The following C2CD2 variants were observed in gnomAD, a reference collection of about 807,000 sequenced individuals.
C2CD2 encodes the protein C2 calcium dependent domain containing 2.
C2CD2 carries 43 observed loss-of-function variants against 74.3 expected under a neutral mutation model. That is an observed-to-expected ratio of 0.58 (90% CI 0.45 to 0.75). C2CD2 has a LOEUF of 0.75. Among genes scored for constraint, C2CD2 ranks in the 30% least tolerant of loss-of-function variants. C2CD2 has a pLI of 0.00. For missense variants in C2CD2, 801 were observed against 916.3 expected, an observed-to-expected ratio of 0.87 and a Z score of 1.63; for synonymous variants, 422 against 390.7, an observed-to-expected ratio of 1.08 and a Z score of -0.94.
At chr21:41,916,297 C>G (rs8132221) in intron 5 of C2CD2, among the ~76,000 whole-genome samples, 10,571 of 152,142 alleles carry the variant, frequency 0.069, 556 homozygotes, top group African/African-American at 0.15. Context: ...GTGTGACTGA[C>G]TGTGTTTCTG....
chr21:41,923,888 T>G lies in C2CD2; in HGVS notation c.379-1803A>C, dbSNP rs1191119271. ...TAATTACCAGGCCAGGTGCCAGGTG[T>G]GTACTGGCCAGGAGGAGGAGAGGGG... On this transcript the variant is annotated intron_variant, in intron 2 of 13. Coordinates refer to ENST00000380486, the MANE Select transcript of C2CD2 (RefSeq NM_015500.2). This position sits in a 1 kb window ranked among gnomAD's most constrained non-coding sequence, Gnocchi z 5.8. Among the ~76,000 whole-genome samples the G allele has an allele frequency of 6.6e-6, 1 of 151,952 alleles. No homozygotes were observed. The highest frequency in any genetic ancestry group is 2.4e-5 in the African/African-American group (1 of 41,358).
rs1266117420 is a variant in C2CD2 at position 41,926,642 on chromosome 21, T to C, written c.379-4557A>G. 1.0e-6 allele frequency: 1 copy of C among 984,712 alleles called. No homozygotes were observed. The highest frequency in any genetic ancestry group is 1.1e-4 in the East Asian group (1 of 8,804). The allele number at this position is 984,712 out of a possible 1,614,324, so 61.0% of individuals were successfully genotyped here. A position where few individuals can be genotyped will look rare whatever the true frequency, so the allele number is the denominator to read the frequency against. On this transcript the variant is annotated intron_variant, in intron 2 of 13. Transcript: ENST00000380486. The surrounding 1 kb of genome is among the most constrained non-coding windows in gnomAD (Gnocchi z 8.0). The stretch of plus-strand genomic sequence containing the variant: ...TGGGGCCAAAAAATTCCAGGCACAG[T>C]TACTCCAGATTTTGCTACTGTTCAC...
intron 1 of C2CD2, among the ~76,000 whole-genome samples, chr21:41,943,648 G>A (rs963253491): frequency 6.6e-6 from 1 of 152,214 alleles, no homozygotes; most frequent in Non-Finnish European, 1.5e-5. Context: ...AGGGGAAGCG[G>A]TGTAAAACCT....
Position 41,907,648 on chromosome 21 carries a change from G to A in C2CD2, c.1143+12C>T, listed in dbSNP as rs1334785294. ...AGCCGGAACCCGGCCGCGGCGGACAGCCTCGCCCTACCTCTGCCGTGACCG... is the reference window on the plus strand; with the variant it reads ...AGCCGGAACCCGGCCGCGGCGGACAACCTCGCCCTACCTCTGCCGTGACCG... On this transcript the variant is annotated intron_variant, in intron 9 of 13. Coordinates refer to ENST00000380486, the MANE Select transcript of C2CD2 (RefSeq NM_015500.2). 9 of 1,607,524 alleles carry A rather than the reference G, an allele frequency of 5.6e-6. No homozygotes were observed. The highest frequency in any genetic ancestry group is 6.8e-6 in the Non-Finnish European group (8 of 1,178,224).
intron 2 of C2CD2, among the ~76,000 whole-genome samples, chr21:41,938,310 G>A (rs1376671205): frequency 6.6e-6 from 1 of 151,986 alleles, no homozygotes; most frequent in African/African-American, 2.4e-5. Flanking sequence ...GTAAAGGAAG[G>A]GTAAACAAAT....
chr21:41,887,760 A>G lies in C2CD2; in HGVS notation c.*1364T>C, dbSNP rs1304247352. On this transcript the variant is annotated 3_prime_UTR_variant, in exon 14 of 14. Transcript: ENST00000380486. ...AGAGGCTACGGAAGGAAGCTTGCCC[A>G]TTTCCGTCTCCATGACAGAAGCCAA... The G allele has an allele frequency of 2.0e-5, 3 of 152,228 alleles. No homozygotes were observed. 9.4% of individuals were successfully genotyped at this position (152,228 alleles called of 1,614,324 possible).
chr21:41,896,597 G>A (rs1025379312), intron 13 of C2CD2, among the ~76,000 whole-genome samples: 3 of 150,290 alleles, frequency 2.0e-5, no homozygotes, highest in African/African-American at 4.9e-5. Context: ...TTTCCTGTGC[G>A]GGCTGGTTTC....
rs764979722 is a variant in C2CD2 at position 41,926,215 on chromosome 21, A to T, written c.379-4130T>A. ...ATCCCCCAACCTGCATTTTTTTGAC[A>T]TTTTTTTTCCCCAAAACAAGCAAAG... is the stretch of plus-strand genomic sequence containing the variant. On this transcript the variant is annotated intron_variant, in intron 2 of 13. Transcript: ENST00000380486. This position sits in a 1 kb window ranked among gnomAD's most constrained non-coding sequence, Gnocchi z 8.0. 1.3e-5 allele frequency among the ~76,000 whole-genome samples: 2 copies of T among 152,012 alleles called. No homozygotes were observed. The highest frequency in any genetic ancestry group is 4.8e-5 in the African/African-American group (2 of 41,360).
chr21:41,907,775 G>A lies in C2CD2; in HGVS notation c.1028C>T (p.Ala343Val), dbSNP rs746797812. 2.5e-6 allele frequency: 4 copies of A among 1,613,944 alleles called. No homozygotes were observed. The highest frequency in any genetic ancestry group is 2.2e-5 in the South Asian group (2 of 91,076). ...EAGRSSEGLL[A>V]TATVPLDLFK... ...TAAGTCCAGAGGAACTGTCGCCGTC[G>A]CCAGCAGACCTGAAAAGATAGGAGA... Residue 343 changes from alanine to valine, a missense_variant, in exon 9 of 14, where the codon GCG (alanine) becomes GTG (valine). Transcript: ENST00000380486.
At position 41,926,548 on chromosome 21, in the gene C2CD2, C is replaced by G; in HGVS notation, c.379-4463G>C. On this transcript the variant is annotated intron_variant, in intron 2 of 13. Coordinates refer to ENST00000380486, the MANE Select transcript of C2CD2 (RefSeq NM_015500.2). This position sits in a 1 kb window ranked among gnomAD's most constrained non-coding sequence, Gnocchi z 8.0. ...CTCGGTGCTCTCTCCAGCCTCAACA[C>G]CTTGACCTCATGTAGTCACATACCT... 1.2e-6 allele frequency: 1 copy of G among 811,992 alleles called. No homozygotes were observed. The highest frequency in any genetic ancestry group is 1.5e-6 in the Non-Finnish European group (1 of 671,484). The allele number at this position is 811,992 out of a possible 1,614,324, so 50.3% of individuals were successfully genotyped here.
Position 41,953,697 on chromosome 21 carries a change from C to T in C2CD2, c.-49G>A. On this transcript the variant is annotated 5_prime_UTR_variant, in exon 1 of 14. Transcript: ENST00000380486. Reference sequence around the variant, plus strand: ...CCCAACTTCCCCGGCAGCCCCGGGCCGGAACGGCGGACTCAGGACACGCGC... The same window carrying T: ...CCCAACTTCCCCGGCAGCCCCGGGCTGGAACGGCGGACTCAGGACACGCGC... 7.5e-7 allele frequency: 1 copy of T among 1,333,778 alleles called. No homozygotes were observed. The highest frequency in any genetic ancestry group is 9.6e-7 in the Non-Finnish European group (1 of 1,045,624). 82.6% of individuals were successfully genotyped at this position (1,333,778 alleles called of 1,614,324 possible).
intron 7 of C2CD2, among the ~76,000 whole-genome samples, chr21:41,911,184 A>G (rs147451634): frequency 1.3e-5 from 2 of 152,298 alleles, no homozygotes; most frequent in East Asian, 1.9e-4. Flanking sequence ...GAGAAAATAC[A>G]TTTATTTTCT....
intron 13 of C2CD2, among the ~76,000 whole-genome samples, chr21:41,896,252 A>G (rs2064820894): frequency 6.6e-6 from 1 of 152,220 alleles, no homozygotes; most frequent in Non-Finnish European, 1.5e-5. Flanking sequence ...CTCTTAAGTT[A>G]AAGGGAATGA....
At chr21:41,919,455 G>A (rs1005094528) in intron 3 of C2CD2, among the ~76,000 whole-genome samples, 3 of 152,174 alleles carry the variant, frequency 2.0e-5, no homozygotes, top group Non-Finnish European at 1.5e-5. Flanking sequence ...CCCTCAAAGA[G>A]GAACCTCAGC....
chr21:41,934,311 T>C (rs191592587), intron 2 of C2CD2, among the ~76,000 whole-genome samples: 2 of 152,114 alleles, frequency 1.3e-5, no homozygotes, highest in African/African-American at 2.4e-5. Context: ...ATGTCCGTAG[T>C]CCCAGCTACC....
At chr21:41,952,348 C>T (rs1233950635) in intron 1 of C2CD2, among the ~76,000 whole-genome samples, 1 of 152,194 alleles carries the variant, frequency 6.6e-6, no homozygotes, top group East Asian at 1.9e-4. Flanking sequence ...AAGGACCAGG[C>T]ACAGGGCCCG....
intron 11 of C2CD2, among the ~76,000 whole-genome samples, chr21:41,904,803 T>C (rs1361005896): frequency 6.6e-6 from 1 of 152,088 alleles, no homozygotes; most frequent in African/African-American, 2.4e-5. Flanking sequence ...ACTCAGCGAA[T>C]GTGGGAGAGC....
chr21:41,885,870 T>G lies in C2CD2; in HGVS notation c.*3254A>C, dbSNP rs1384356875. The G allele has an allele frequency of 2.0e-5, 3 of 152,342 alleles. No homozygotes were observed. The highest frequency in any genetic ancestry group is 4.4e-5 in the Non-Finnish European group (3 of 68,042). 9.4% of individuals were successfully genotyped at this position (152,342 alleles called of 1,614,324 possible). A position where few individuals can be genotyped will look rare whatever the true frequency, so the allele number is the denominator to read the frequency against. On this transcript the variant is annotated 3_prime_UTR_variant, in exon 14 of 14. Transcript: ENST00000380486. The stretch of plus-strand genomic sequence containing the variant: ...TGAGTGGCGACTGGTCGAGTAGCAG[T>G]TGGTCATAAGGGATCAGGGCTGGTT...
chr21:41,919,148 A>G, intron 3 of C2CD2, 188 bp from the exon 4 acceptor site: 1 of 604,980 alleles, frequency 1.7e-6, no homozygotes, highest in Non-Finnish European at 3.0e-6. Flanking sequence ...ATGTGTGCTC[A>G]TGTGTGCATG....
Sources: gnomAD v4.1 joint callset for allele counts (sites outside exome capture counted in the v4.1 genomes callset) on GRCh38, gnomAD v4.1.1 for gene constraint, Gnocchi (gnomAD v3.1) non-coding constraint, MANE v1.5 for transcripts, NCBI Gene and HGNC (gene_info 2026-07-23, HGNC 2026-07-21) for gene names.